Variants in CHRM2 observed in about 807,000 individuals in gnomAD.
CHRM2 encodes the protein muscarinic acetylcholine receptor M2.
CHRM2 carries 8 observed loss-of-function variants against 25.0 expected under a neutral mutation model. That is an observed-to-expected ratio of 0.32 (90% CI 0.19 to 0.58). The LOEUF is 0.58. CHRM2 is among the 20% of genes least tolerant of loss of function. The pLI is 0.88. For synonymous variants in CHRM2, 202 were observed against 205.7 expected, an observed-to-expected ratio of 0.98 and a Z score of 0.15; for missense variants, 440 against 567.1, an observed-to-expected ratio of 0.78 and a Z score of 2.28.
chr7:136,900,752 G>T (rs1312157158), intron 2 of CHRM2, among the ~76,000 whole-genome samples: 1 of 151,940 alleles, frequency 6.6e-6, no homozygotes, highest in African/African-American at 2.4e-5. Context: ...TGCTCCTAGA[G>T]GCTGTAAACA....
Position 137,016,297 on chromosome 7 carries a change from A to T in CHRM2, c.*31A>T, listed in dbSNP as rs1250559954. On this transcript the variant is annotated 3_prime_UTR_variant, in exon 4 of 4. Transcript: ENST00000680005. ...CTTTGAAAAAGATAGAAGGTGGGCA[A>T]GGGGAGCTTGAGAAGAATAAAAGGG... is the stretch of plus-strand genomic sequence containing the variant. 1 of 1,601,608 alleles carries T rather than the reference A, an allele frequency of 6.2e-7. No individual in the cohort carries two copies. Among genetic ancestry groups the T allele is most frequent in the Non-Finnish European group, 8.6e-7 (1 of 1,169,372 alleles).
chr7:136,872,196 T>G (rs565203032), intron 2 of CHRM2, among the ~76,000 whole-genome samples: 63 of 152,276 alleles, frequency 4.1e-4, no homozygotes, highest in African/African-American at 1.4e-3. Context: ...GAGGCATGTT[T>G]GTTTGTAGAA....
chr7:136,985,891 C>A (rs1008360629), intron 2 of CHRM2, among the ~76,000 whole-genome samples: 1 of 152,180 alleles, frequency 6.6e-6, no homozygotes, highest in African/African-American at 2.4e-5. Flanking sequence ...AGCTTCCACA[C>A]TGAGGTGATT....
intron 2 of CHRM2, among the ~76,000 whole-genome samples, chr7:136,873,710 G>C (rs990603245): frequency 1.3e-5 from 2 of 152,158 alleles, no homozygotes; most frequent in Admixed American, 6.5e-5. Flanking sequence ...TGTGGCACTT[G>C]TTTTCCCTGT....
At position 137,011,041 on chromosome 7, in the gene CHRM2, G is replaced by A. The variant is rs6972108; in HGVS notation, c.-46-3779G>A. 7.7e-3 allele frequency among the ~76,000 whole-genome samples: 1,167 copies of A among 151,982 alleles called. 18 individuals carry two copies. Among genetic ancestry groups the A allele is most frequent in the African/African-American group, 0.027 (1,101 of 41,448 alleles). ...ACTTGTGCAACCTCAGTTTTATCAC[G>A]TTAAGGGAATGATAGAAATTGTTCC... On this transcript the variant is annotated intron_variant, in intron 3 of 3. Transcript: ENST00000680005.
chr7:136,981,002 G>C (rs185691131), intron 2 of CHRM2, among the ~76,000 whole-genome samples: 31 of 152,274 alleles, frequency 2.0e-4, no homozygotes, highest in African/African-American at 7.2e-4. Flanking sequence ...GTTTGGAATA[G>C]TTTCAGGAGG....
chr7:136,935,198 C>A (rs114451026), intron 2 of CHRM2, among the ~76,000 whole-genome samples: 1,892 of 121,580 alleles, frequency 0.016, 35 homozygotes, highest in African/African-American at 0.058. Context: ...CTAATTAATG[C>A]ACTGTACTCC....
chr7:136,943,439 C>T (rs1432214649), intron 2 of CHRM2, among the ~76,000 whole-genome samples: 3 of 152,158 alleles, frequency 2.0e-5, no homozygotes, highest in Non-Finnish European at 4.4e-5. Context: ...CTTTCTGTCA[C>T]TGGAATAGCA....
At chr7:136,942,828 A>T (rs751539314) in intron 2 of CHRM2, among the ~76,000 whole-genome samples, 4 of 151,908 alleles carry the variant, frequency 2.6e-5, no homozygotes, top group Non-Finnish European at 5.9e-5. Context: ...TGCACAAGAG[A>T]ATTTTTTTTT....
At chr7:136,958,446 A>AT in intron 2 of CHRM2, among the ~76,000 whole-genome samples, 2 of 116,586 alleles carry the variant, frequency 1.7e-5, no homozygotes, top group Admixed American at 9.3e-5. Context: ...AAGCAGTGTC[A>AT]TCTTTTTTTT....
intron 2 of CHRM2, among the ~76,000 whole-genome samples, chr7:136,886,158 T>C (rs1796456818): frequency 6.6e-6 from 1 of 152,228 alleles, no homozygotes; most frequent in South Asian, 2.1e-4. Flanking sequence ...GTAAAAAATC[T>C]GGGTAGAATC....
At chr7:136,941,152 G>T (rs1244612531) in intron 2 of CHRM2, among the ~76,000 whole-genome samples, 1 of 152,140 alleles carries the variant, frequency 6.6e-6, no homozygotes, top group East Asian at 1.9e-4. Context: ...CCTGTTATGA[G>T]ATTAATTTTC....
At chr7:137,008,214 G>C (rs140370564) in intron 3 of CHRM2, among the ~76,000 whole-genome samples, 1 of 152,090 alleles carries the variant, frequency 6.6e-6, no homozygotes, top group African/African-American at 2.4e-5. Context: ...GTGGGGAAGA[G>C]ATAATACTTA....
At chr7:136,906,800 C>T (rs905266312) in intron 2 of CHRM2, 2 of 151,466 alleles carry the variant, frequency 1.3e-5, no homozygotes, top group Admixed American at 6.6e-5. Flanking sequence ...TTCTAGAAAC[C>T]GGGGTTGGGG....
intron 2 of CHRM2, among the ~76,000 whole-genome samples, chr7:136,948,295 T>G (rs1213833599): frequency 1.3e-5 from 2 of 152,040 alleles, no homozygotes; most frequent in Non-Finnish European, 2.9e-5. Flanking sequence ...GTGGTTGAGA[T>G]GTTGGAAGAA....
intron 2 of CHRM2, among the ~76,000 whole-genome samples, chr7:136,937,338 A>G (rs145682721): frequency 1.6e-3 from 243 of 152,146 alleles, no homozygotes; most frequent in South Asian, 4.8e-3. Flanking sequence ...AAGAAGTCAA[A>G]CTGAATGTAA....
In CHRM2 at chr7:136,892,845, T is replaced by G. The variant is rs192183540; in HGVS notation, c.-125+23427T>G. 5.3e-4 allele frequency among the ~76,000 whole-genome samples: 80 copies of G among 152,136 alleles called. No homozygotes were observed. In the East Asian group the frequency reaches 0.015, roughly 29 times the overall value. Reference sequence around the variant, plus strand: ...CCACCACGCCTGGCTAATTTTTGTATTTTTAGGAGAGACGGGATTTCACCA... The same window carrying G: ...CCACCACGCCTGGCTAATTTTTGTAGTTTTAGGAGAGACGGGATTTCACCA... On this transcript the variant is annotated intron_variant, in intron 2 of 3. Coordinates refer to ENST00000680005, the MANE Select transcript of CHRM2 (RefSeq NM_001006630.2).
At chr7:136,930,032 C>T (rs1214902040) in intron 2 of CHRM2, among the ~76,000 whole-genome samples, 2 of 151,634 alleles carry the variant, frequency 1.3e-5, no homozygotes, top group African/African-American at 2.4e-5. Context: ...GCAGAGATTG[C>T]CAGATTGCAC....
At chr7:137,001,378 T>C (rs1232950909) in intron 3 of CHRM2, among the ~76,000 whole-genome samples, 1 of 152,172 alleles carries the variant, frequency 6.6e-6, no homozygotes, top group African/African-American at 2.4e-5. Context: ...CAGTGGGCTT[T>C]GAAAGCAACC....
Sources: gnomAD v4.1 joint callset for allele counts (sites outside exome capture counted in the v4.1 genomes callset) on GRCh38, gnomAD v4.1.1 for gene constraint, MANE v1.5 for transcripts, NCBI Gene and HGNC (gene_info 2026-07-23, HGNC 2026-07-21) for gene names.